ARHGAP42: variants seen among roughly 807,000 people sequenced by gnomAD.
ARHGAP42 encodes Rho GTPase activating protein 42.
In ARHGAP42, 63 loss-of-function variants were observed where a neutral mutation model predicts 125.0. That is an observed-to-expected ratio of 0.50 (90% CI 0.41 to 0.62). ARHGAP42 has a LOEUF of 0.62. Ranked by LOEUF, ARHGAP42 falls within the 20% of genes least tolerant of loss-of-function variation. ARHGAP42 has a pLI of 0.00. For missense variants in ARHGAP42, 766 were observed against 1,024.2 expected (o/e 0.75, Z 3.44); for synonymous variants, 339 against 351.0 (o/e 0.97, Z 0.38).
At chr11:100,781,248 T>A (rs912550802) in intron 2 of ARHGAP42, among the ~76,000 whole-genome samples, 1 of 152,138 alleles carries the variant, frequency 6.6e-6, no homozygotes, top group African/African-American at 2.4e-5. Flanking sequence ...TTACTTTCTT[T>A]ATGTACATGT....
intron 3 of ARHGAP42, among the ~76,000 whole-genome samples, chr11:100,844,947 C>T (rs1865026698): frequency 6.6e-6 from 1 of 152,016 alleles, no homozygotes; most frequent in African/African-American, 2.4e-5. Flanking sequence ...GGTATCTACT[C>T]AGAGGAAATG....
intron 3 of ARHGAP42, among the ~76,000 whole-genome samples, chr11:100,858,615 G>A (rs1413821643): frequency 1.3e-5 from 2 of 152,036 alleles, no homozygotes; most frequent in East Asian, 1.9e-4. Flanking sequence ...TTACAAAAAG[G>A]TTAGAAAAAT....
intron 1 of ARHGAP42, among the ~76,000 whole-genome samples, chr11:100,701,530 C>T (rs1057379745): frequency 9.8e-5 from 15 of 152,356 alleles, no homozygotes; most frequent in Middle Eastern, 3.4e-3. Flanking sequence ...CTTGCTGCAG[C>T]GTCTACATTA....
chr11:100,890,258 T>G (rs1003979464), intron 4 of ARHGAP42, among the ~76,000 whole-genome samples: 2 of 152,206 alleles, frequency 1.3e-5, no homozygotes, highest in Non-Finnish European at 2.9e-5. Flanking sequence ...CAGCTCCTGA[T>G]GGTTGAAGTT....
At chr11:100,830,461 G>A (rs1172767352) in intron 3 of ARHGAP42, among the ~76,000 whole-genome samples, 2 of 152,168 alleles carry the variant, frequency 1.3e-5, no homozygotes, top group Non-Finnish European at 2.9e-5. Context: ...TTGCTTCTGA[G>A]TGTAGACTGT....
At chr11:100,811,780 ATGAGCCAC>A (rs1245730817) in intron 3 of ARHGAP42, among the ~76,000 whole-genome samples, 1 of 152,070 alleles carries the variant, frequency 6.6e-6, no homozygotes, top group Non-Finnish European at 1.5e-5. Context: ...GATTATAGGC[ATGAGCCAC>A]TGAGCCCAGC....
chr11:100,957,169 C>A (rs1275390718), intron 12 of ARHGAP42, among the ~76,000 whole-genome samples: 1 of 152,090 alleles, frequency 6.6e-6, no homozygotes, highest in African/African-American at 2.4e-5. Context: ...GAGATCAAAA[C>A]CATGCCTAGT....
rs566440542 is a variant in ARHGAP42 at position 100,852,620 on chromosome 11, T to G, written c.313-6934T>G. On this transcript the variant is annotated intron_variant, in intron 3 of 23. Transcript: ENST00000298815. ...ACTCTAAGTTAGGGGTTAGAACATG[T>G]AAAAAGAAATATTTTTGAGGCCCTA... 4.7e-4 allele frequency among the ~76,000 whole-genome samples: 72 copies of G among 152,256 alleles called. No individual in the cohort carries two copies. The Middle Eastern group carries it at 0.01, about 22-fold the overall frequency.
intron 22 of ARHGAP42, among the ~76,000 whole-genome samples, chr11:100,983,805 G>GA (rs34962320): frequency 2.0e-5 from 3 of 152,022 alleles, no homozygotes; most frequent in Admixed American, 2.0e-4. Context: ...GTGTTTGTTG[G>GA]AAAAAAATCT....
At chr11:100,830,829 C>A (rs1052102067) in intron 3 of ARHGAP42, among the ~76,000 whole-genome samples, 8 of 152,060 alleles carry the variant, frequency 5.3e-5, no homozygotes, top group African/African-American at 1.9e-4. Context: ...AGGTCAATAG[C>A]CTGCTTTGAG....
chr11:100,806,551 T>A (rs543692700), intron 3 of ARHGAP42, among the ~76,000 whole-genome samples: 7 of 152,134 alleles, frequency 4.6e-5, no homozygotes, highest in African/African-American at 1.7e-4. Context: ...TTTAGGTATG[T>A]TGGCCTCCAT....
chr11:100,747,484 C>T lies in ARHGAP42; in HGVS notation c.155-22859C>T, dbSNP rs138274640. On this transcript the variant is annotated intron_variant, in intron 1 of 23. Coordinates refer to ENST00000298815, the MANE Select transcript of ARHGAP42 (RefSeq NM_152432.4). The stretch of plus-strand genomic sequence containing the variant: ...ACCTTTTATAATTTTTGTTAAAGAG[C>T]GGATTAGTGCTTTAAGAAAATCCTG... 8.3e-3 allele frequency among the ~76,000 whole-genome samples: 1,263 copies of T among 152,198 alleles called. 14 individuals carry two copies. Among genetic ancestry groups the T allele is most frequent in the African/African-American group, 0.029 (1,210 of 41,512 alleles).
intron 12 of ARHGAP42, among the ~76,000 whole-genome samples, chr11:100,959,256 A>G (rs959633463): frequency 6.6e-6 from 1 of 152,132 alleles, no homozygotes; most frequent in Non-Finnish European, 1.5e-5. Flanking sequence ...TAGCCAAAAA[A>G]CAATGAAAAT....
intron 1 of ARHGAP42, among the ~76,000 whole-genome samples, chr11:100,739,650 T>C (rs988700037): frequency 2.6e-5 from 4 of 152,218 alleles, no homozygotes; most frequent in African/African-American, 9.6e-5. Flanking sequence ...TGTGTATCTA[T>C]ACTTTGTTTC....
chr11:100,754,453 C>A (rs2120353807), intron 1 of ARHGAP42, among the ~76,000 whole-genome samples: 1 of 152,268 alleles, frequency 6.6e-6, no homozygotes, highest in South Asian at 2.1e-4. Flanking sequence ...GCGTTCAGGC[C>A]ACTCCTAATT....
intron 3 of ARHGAP42, among the ~76,000 whole-genome samples, chr11:100,804,622 GC>G (rs1311590274): frequency 2.0e-5 from 3 of 150,448 alleles, no homozygotes; most frequent in Non-Finnish European, 4.4e-5. Flanking sequence ...TAGGCTCAAT[GC>G]AACCTCAGCC....
intron 1 of ARHGAP42, among the ~76,000 whole-genome samples, chr11:100,710,077 G>C (rs184726552): frequency 3.3e-5 from 5 of 152,186 alleles, no homozygotes; most frequent in African/African-American, 7.2e-5. Context: ...GCACATTCAG[G>C]CTCACACTTT....
At chr11:100,831,969 T>A (rs749679379) in intron 3 of ARHGAP42, among the ~76,000 whole-genome samples, 4 of 152,236 alleles carry the variant, frequency 2.6e-5, no homozygotes, top group Non-Finnish European at 5.9e-5. Flanking sequence ...CAAATAGGAC[T>A]TTAGTAAATA....
At chr11:100,942,282 C>A (rs1867906577) in intron 9 of ARHGAP42, among the ~76,000 whole-genome samples, 1 of 152,150 alleles carries the variant, frequency 6.6e-6, no homozygotes, top group Non-Finnish European at 1.5e-5. Context: ...GCTACATTTG[C>A]CCCTGCATGC....
Sources: allele counts gnomAD v4.1 joint callset (sites outside exome capture counted in the v4.1 genomes callset), GRCh38; gene constraint gnomAD v4.1.1; transcripts MANE v1.5; gene names NCBI Gene and HGNC (gene_info 2026-07-23, HGNC 2026-07-21).